ZNF608: variants seen among roughly 807,000 people sequenced by gnomAD.
The protein encoded by ZNF608 is zinc finger protein 608.
In ZNF608, 12 loss-of-function variants were observed where a neutral mutation model predicts 109.0. The observed-to-expected ratio is 0.11, with a 90% CI of 0.07 to 0.18. The LOEUF (loss-of-function observed/expected upper bound fraction) is 0.18. Among genes scored for constraint, ZNF608 ranks in the 10% least tolerant of loss-of-function variants. The pLI, the probability that ZNF608 is intolerant of heterozygous loss-of-function variation, is 1.00. For missense variants in ZNF608, 1,707 were observed against 1,879.3 expected (o/e 0.91, Z 1.70); for synonymous variants, 732 against 717.4 (o/e 1.02, Z -0.33).
chr5:124,650,147 T>C (rs563339842), intron 3 of ZNF608, among the ~76,000 whole-genome samples: 13 of 152,190 alleles, frequency 8.5e-5, no homozygotes, highest in Non-Finnish European at 1.8e-4. Flanking sequence ...TTCAACAATA[T>C]AAAATGATGG....
chr5:124,677,918 C>T (rs1331196761), intron 3 of ZNF608, among the ~76,000 whole-genome samples: 1 of 152,168 alleles, frequency 6.6e-6, no homozygotes, highest in Non-Finnish European at 1.5e-5. Context: ...AGCTCTCAGT[C>T]CTTATTCCTC....
chr5:124,741,574 T>A (rs1376949875), intron 2 of ZNF608, among the ~76,000 whole-genome samples: 1 of 152,136 alleles, frequency 6.6e-6, no homozygotes, highest in East Asian at 1.9e-4. Context: ...AAACACTGTA[T>A]AAAATGTCAA....
intron 4 of ZNF608, 51 bp downstream of exon 4, chr5:124,649,559 C>T (rs767535595): frequency 1.4e-6 from 2 of 1,407,212 alleles, no homozygotes; most frequent in Non-Finnish European, 1.0e-6. Context: ...TCTACAGTTT[C>T]CCTGCAAAGA....
At chr5:124,688,359 T>C (rs10478640) in intron 3 of ZNF608, among the ~76,000 whole-genome samples, 5,211 of 152,242 alleles carry the variant, frequency 0.034, 181 homozygotes, top group East Asian at 0.13. Flanking sequence ...CTGAACAATT[T>C]TGATTTTTAC....
intron 3 of ZNF608, among the ~76,000 whole-genome samples, chr5:124,678,494 G>A: frequency 6.6e-6 from 1 of 152,090 alleles, no homozygotes. Context: ...AACAGACGGG[G>A]GACTTAACCG....
chr5:124,708,901 G>C (rs1323544936), intron 2 of ZNF608: 6 of 411,068 alleles, frequency 1.5e-5, no homozygotes, highest in Non-Finnish European at 2.4e-5. Context: ...GCCCGGTGCA[G>C]TGGCTCACGC....
chr5:124,653,152 A>G (rs376805099), intron 3 of ZNF608, among the ~76,000 whole-genome samples: 13 of 152,256 alleles, frequency 8.5e-5, no homozygotes, highest in East Asian at 7.7e-4. Flanking sequence ...GAAGAGTACA[A>G]TGGATGGTTT....
intron 3 of ZNF608, among the ~76,000 whole-genome samples, chr5:124,693,041 T>G (rs1752682594): frequency 6.6e-6 from 1 of 152,194 alleles, no homozygotes; most frequent in African/African-American, 2.4e-5. Context: ...CAGGGTTTCC[T>G]CTAGGGTGAT....
At chr5:124,715,735 ATTATTT>A (rs1185558791) in intron 2 of ZNF608, among the ~76,000 whole-genome samples, 1 of 152,196 alleles carries the variant, frequency 6.6e-6, no homozygotes, top group Non-Finnish European at 1.5e-5. Context: ...AAATGTTATC[ATTATTT>A]TTATTTTTAA....
chr5:124,720,806 C>CA (rs1554091650), intron 2 of ZNF608, among the ~76,000 whole-genome samples: 1 of 151,746 alleles, frequency 6.6e-6, no homozygotes, highest in East Asian at 1.9e-4. Context: ...CCTGGGCTGG[C>CA]TTTTTTTTCC....
intron 2 of ZNF608, among the ~76,000 whole-genome samples, chr5:124,717,287 G>A (rs1753742436): frequency 6.6e-6 from 1 of 151,778 alleles, no homozygotes; most frequent in African/African-American, 2.4e-5. Flanking sequence ...CCAACATAGA[G>A]AAACCCTGTC....
In ZNF608 at chr5:124,647,550, G is replaced by A. The variant is rs1338468369; in HGVS notation, c.2834C>T (p.Ala945Val). ...GCTGTCAGAACCACCATCGTCAGCA[G>A]CATCAGATATGTCTGAATAGGCCGG... ...SSPAYSDISD[A>V]ADDGGSDSRS... is the part of the protein sequence containing the mutation. The change falls in exon 5 of 10, where the codon GCT becomes GTT. Residue 945 changes from alanine (A) to valine (V), a missense_variant. Physicochemically the swap from Ala to Val is moderately conservative, Grantham distance 64. Around this residue, in one of 7 missense-constraint regions of ZNF608, gnomAD observed 1,073 missense variants for 1,133.5 expected, o/e 0.95. Coordinates refer to ENST00000513986, the MANE Select transcript of ZNF608 (RefSeq NM_020747.3). 6.2e-7 allele frequency: 1 copy of A among 1,614,238 alleles called. No individual in the cohort carries two copies. The highest frequency in any genetic ancestry group is 1.7e-5 in the Admixed American group (1 of 60,028).
At chr5:124,702,885 C>T (rs1174674514) in intron 2 of ZNF608, among the ~76,000 whole-genome samples, 3 of 152,134 alleles carry the variant, frequency 2.0e-5, no homozygotes, top group Non-Finnish European at 4.4e-5. Context: ...GTAAATGTAG[C>T]TTAATGTGGA....
chr5:124,642,692 C>CTTTTTTTTTTTTTTTTTTTTTTTTT, intron 7 of ZNF608, among the ~76,000 whole-genome samples: 1 of 95,290 alleles, frequency 1.0e-5, no homozygotes, highest in Non-Finnish European at 1.9e-5. Context: ...TTTCTATTGT[C>CTTTTTTTTTTTTTTTTTTTTTTTTT]TTTTTTTTTT....
intron 5 of ZNF608, among the ~76,000 whole-genome samples, chr5:124,645,279 T>C (rs545162638): frequency 6.6e-6 from 1 of 152,354 alleles, no homozygotes; most frequent in African/African-American, 2.4e-5. Context: ...GCACACGTTA[T>C]GGCTTCTCTA....
intron 3 of ZNF608, among the ~76,000 whole-genome samples, chr5:124,683,014 GTCTCTCTCTCTC>G (rs70991636): frequency 6.7e-6 from 1 of 148,958 alleles, no homozygotes; most frequent in African/African-American, 2.5e-5. Context: ...TGGGTGCTCT[GTCTCTCTCTCTC>G]TCTCTCTCTC....
chr5:124,684,993 T>A (rs1752344879), intron 3 of ZNF608, among the ~76,000 whole-genome samples: 1 of 152,264 alleles, frequency 6.6e-6, no homozygotes, highest in Non-Finnish European at 1.5e-5. Context: ...TTACAGATGC[T>A]TCTTGATTTA....
intron 2 of ZNF608, among the ~76,000 whole-genome samples, chr5:124,711,896 G>A (rs940110841): frequency 7.2e-5 from 11 of 152,180 alleles, no homozygotes; most frequent in Admixed American, 3.9e-4. Context: ...GTAGGGGCAC[G>A]GAAGGATTCG....
At chr5:124,746,778 T>C, upstream of ZNF608, 4 of 984,668 alleles carry the variant, frequency 4.1e-6, no homozygotes, top group Non-Finnish European at 4.8e-6. Context: ...ATTTGATTTC[T>C]TGAACTAACT....
Sources: allele counts gnomAD v4.1 joint callset (sites outside exome capture counted in the v4.1 genomes callset), GRCh38; gene constraint gnomAD v4.1.1; regional missense constraint gnomAD v4.1.1; transcripts MANE v1.5; gene names NCBI Gene and HGNC (gene_info 2026-07-23, HGNC 2026-07-21).